MYO10: variants seen among roughly 807,000 people sequenced by gnomAD.
MYO10 encodes myosin X.
MYO10 carries 133 observed loss-of-function variants against 257.3 expected under a neutral mutation model. That is an observed-to-expected ratio of 0.52 (90% confidence interval 0.45 to 0.60). The LOEUF (loss-of-function observed/expected upper bound fraction) is 0.60, where lower values mean the gene tolerates loss of function less well. Ranked by LOEUF, MYO10 falls within the 20% of genes least tolerant of loss-of-function variation. The pLI is 0.00. For missense variants in MYO10, 2,399 were observed against 2,635.7 expected, an observed-to-expected ratio of 0.91 and a Z score of 1.97; for synonymous variants, 1,104 against 1,028.6, an observed-to-expected ratio of 1.07 and a Z score of -1.40.
chr5:16,735,389 C>A (rs1184737283), intron 19 of MYO10, among the ~76,000 whole-genome samples: 7 of 152,018 alleles, frequency 4.6e-5, no homozygotes, highest in Non-Finnish European at 4.4e-5. Flanking sequence ...GACCAGGCCA[C>A]GGTGGTGAAT....
chr5:16,700,281 T>C (rs1737982003), intron 25 of MYO10, among the ~76,000 whole-genome samples: 1 of 152,174 alleles, frequency 6.6e-6, no homozygotes, highest in South Asian at 2.1e-4. Flanking sequence ...TCAGGATGTG[T>C]CTTCATTTCC....
intron 30 of MYO10, 149 bp downstream of exon 30, chr5:16,683,731 G>T: frequency 1.4e-6 from 1 of 704,756 alleles, no homozygotes; most frequent in Non-Finnish European, 2.4e-6. Flanking sequence ...CAAGAAGGAA[G>T]ACTGGATTGC....
At chr5:16,842,596 C>A (rs1027352041) in intron 2 of MYO10, among the ~76,000 whole-genome samples, 1 of 152,172 alleles carries the variant, frequency 6.6e-6, no homozygotes, top group Non-Finnish European at 1.5e-5. Context: ...CCCTCGCTCA[C>A]AAAGCTGCTG....
chr5:16,674,010 G>C, intron 35 of MYO10, 121 bp from the exon 36 acceptor site: 1 of 789,358 alleles, frequency 1.3e-6, no homozygotes, highest in Non-Finnish European at 2.1e-6. Context: ...GGTGAATGGA[G>C]CAAGCACCAG....
At chr5:16,826,525 AG>A (rs1376521263) in intron 2 of MYO10, among the ~76,000 whole-genome samples, 2 of 152,216 alleles carry the variant, frequency 1.3e-5, no homozygotes, top group African/African-American at 4.8e-5. Context: ...GTGCGGCAGG[AG>A]GAGCCCAGGC....
At chr5:16,684,499 C>T (rs1737153718) in intron 29 of MYO10, among the ~76,000 whole-genome samples, 1 of 152,236 alleles carries the variant, frequency 6.6e-6, no homozygotes, top group Non-Finnish European at 1.5e-5. Context: ...CCGCCTTGGC[C>T]TCCCAAAGTA....
intron 2 of MYO10, 79 bp downstream of exon 2, chr5:16,877,530 G>T: frequency 9.1e-7 from 1 of 1,098,598 alleles, no homozygotes; most frequent in Non-Finnish European, 1.4e-6. Flanking sequence ...GTGTAGGGGG[G>T]CCAAGCACAC....
intron 2 of MYO10, chr5:16,853,894 T>G (rs1302300061): frequency 1.3e-5 from 2 of 152,192 alleles, no homozygotes; most frequent in Non-Finnish European, 2.9e-5. Flanking sequence ...GAGCCCGTTT[T>G]CTAAGCCTTC....
chr5:16,818,409 T>TATATATATATAGAC (rs1561000900), intron 2 of MYO10, among the ~76,000 whole-genome samples: 1 of 86,238 alleles, frequency 1.2e-5, no homozygotes, highest in African/African-American at 4.3e-5. Context: ...TGTGTGTGTG[T>TATATATATATAGAC]GTATATATAT....
chr5:16,712,681 C>T (rs1178222377), intron 19 of MYO10, among the ~76,000 whole-genome samples: 1 of 152,226 alleles, frequency 6.6e-6, no homozygotes, highest in Non-Finnish European at 1.5e-5. Context: ...AACTGTCCCT[C>T]ACAGCTTTTG....
chr5:16,885,607 G>C (rs900813311), intron 1 of MYO10, among the ~76,000 whole-genome samples: 2 of 151,958 alleles, frequency 1.3e-5, no homozygotes, highest in African/African-American at 4.8e-5. Context: ...GGAGGACAGA[G>C]GTTGCAGTGA....
Position 16,818,118 on chromosome 5 carries a change from A to C in MYO10, c.170T>G (p.Met57Arg), listed in dbSNP as rs767425011. Residue 57 changes from methionine to arginine, a missense_variant, in exon 3 of 41, where the codon ATG (methionine) becomes AGG (arginine). Coordinates refer to ENST00000513610, the MANE Select transcript of MYO10 (RefSeq NM_012334.3). ...STITHQKVTAMHPTNEEGVDD... is the reference protein window; with the variant it reads ...STITHQKVTARHPTNEEGVDD... ...CACGCCCTCCTCGTTCGTGGGGTGC[A>C]TAGCAGTCACCTTCTGGTGGGTAAT... is the stretch of plus-strand genomic sequence containing the variant. The C allele has an allele frequency of 6.2e-7, 1 of 1,609,764 alleles. No homozygotes were observed. The highest frequency in any genetic ancestry group is 1.3e-5 in the African/African-American group (1 of 74,860).
At chr5:16,880,725 T>C (rs1744734595) in intron 1 of MYO10, among the ~76,000 whole-genome samples, 1 of 152,184 alleles carries the variant, frequency 6.6e-6, no homozygotes, top group Non-Finnish European at 1.5e-5. Flanking sequence ...CCTGAGACAC[T>C]GATAACACAC....
intron 1 of MYO10, among the ~76,000 whole-genome samples, chr5:16,929,741 T>C (rs249138): frequency 0.3 from 46,177 of 151,978 alleles, 7,574 homozygotes; most frequent in East Asian, 0.5. Context: ...CTTCCCCAGA[T>C]ACCAAAATCC....
rs181545786 is a variant in MYO10 at position 16,848,630 on chromosome 5, G to A, written c.120+28979C>T. Among the ~76,000 whole-genome samples the A allele has an allele frequency of 4.3e-4, 66 of 151,902 alleles. No homozygotes were observed. In the South Asian group the frequency reaches 9.6e-3, roughly 22 times the overall value. On this transcript the variant is annotated intron_variant, in intron 2 of 40. Transcript: ENST00000513610. ...CTCCAAGAGTCTTTGGGAAACGCTCGTCGTTATGGCTGCCATTAGTAAACA... is the reference window on the plus strand; with the variant it reads ...CTCCAAGAGTCTTTGGGAAACGCTCATCGTTATGGCTGCCATTAGTAAACA...
chr5:16,722,360 A>G (rs999043605), intron 19 of MYO10, among the ~76,000 whole-genome samples: 1 of 152,180 alleles, frequency 6.6e-6, no homozygotes, highest in Non-Finnish European at 1.5e-5. Context: ...CTGGTGTGTC[A>G]CCCTACGTAT....
rs149633848 is a variant in MYO10, at chr5:16,862,912, G to C, written c.120+14697C>G. ...ATGGGAAAAATCTGGACATACAACA[G>C]GCTTACACAGGACTAAGGGGGCTGA... On this transcript the variant is annotated intron_variant, in intron 2 of 40. Coordinates refer to ENST00000513610, the MANE Select transcript of MYO10 (RefSeq NM_012334.3). 4.7e-4 allele frequency among the ~76,000 whole-genome samples: 72 copies of C among 152,250 alleles called. 1 individual carries two copies. Among genetic ancestry groups the C allele is most frequent in the Middle Eastern group, 6.8e-3 (2 of 294 alleles).
At chr5:16,720,419 T>C (rs943677476) in intron 19 of MYO10, among the ~76,000 whole-genome samples, 1 of 152,068 alleles carries the variant, frequency 6.6e-6, no homozygotes, top group African/African-American at 2.4e-5. Flanking sequence ...ACTTTTCCAC[T>C]ATTTTATTTT....
intron 3 of MYO10, among the ~76,000 whole-genome samples, chr5:16,811,879 C>CT (rs1251713244): frequency 6.6e-6 from 1 of 152,166 alleles, no homozygotes; most frequent in Non-Finnish European, 1.5e-5. Context: ...GATCTCATGC[C>CT]TTTGTAGCGT....
Sources: gnomAD v4.1 joint callset for allele counts (sites outside exome capture counted in the v4.1 genomes callset) on GRCh38, gnomAD v4.1.1 for gene constraint, MANE v1.5 for transcripts, NCBI Gene and HGNC (gene_info 2026-07-23, HGNC 2026-07-21) for gene names.